The following SLC24A2 variants were observed in gnomAD, a reference collection of about 807,000 sequenced individuals.
SLC24A2 encodes the protein sodium/potassium/calcium exchanger 2.
Under a neutral mutation model 62.0 loss-of-function variants are expected in SLC24A2, and 36 were observed. The ratio of observed to expected loss-of-function variants is 0.58; its 90% CI spans 0.44 to 0.77. SLC24A2 has a LOEUF of 0.77. SLC24A2 is among the 30% of genes least tolerant of loss of function. The probability of loss-of-function intolerance (pLI) is 0.00; values close to 1 mark genes in which losing one functional copy is unlikely to be tolerated. For synonymous variants in SLC24A2, 358 were observed against 294.0 expected (o/e 1.22, Z -2.23); for missense variants, 846 against 817.9 (o/e 1.03, Z -0.42).
chr9:20,281,167 C>T, the SLC24A2 span, among the ~76,000 whole-genome samples: 16 of 152,054 alleles, frequency 1.1e-4, no homozygotes, highest in Admixed American at 3.3e-4. Context: ...TGGGCTCAAG[C>T]GATCCTCCAG....
chr9:20,254,293 G>A, the SLC24A2 span, among the ~76,000 whole-genome samples: 1 of 152,164 alleles, frequency 6.6e-6, no homozygotes, highest in African/African-American at 2.4e-5. Context: ...GACTCCACTT[G>A]TTCATCAAGC....
chr9:19,517,015 C>T (rs952857940), intron 10 of SLC24A2, among the ~76,000 whole-genome samples: 4 of 152,118 alleles, frequency 2.6e-5, no homozygotes, highest in African/African-American at 7.2e-5. Flanking sequence ...CAGTATCTTA[C>T]ATTTGTGATG....
intron 8 of SLC24A2, among the ~76,000 whole-genome samples, chr9:19,545,064 A>T (rs559630251): frequency 6.6e-6 from 1 of 152,132 alleles, no homozygotes; most frequent in African/African-American, 2.4e-5. Context: ...CAGGTACACC[A>T]ATCAGAGGTG....
chr9:20,295,034 A>ATG, the SLC24A2 span, among the ~76,000 whole-genome samples: 10 of 141,882 alleles, frequency 7.0e-5, no homozygotes, highest in African/African-American at 1.9e-4. Context: ...ATGTGTATAT[A>ATG]TGTATATATA....
the SLC24A2 span, among the ~76,000 whole-genome samples, chr9:20,240,734 C>T: frequency 6.6e-6 from 1 of 152,122 alleles, no homozygotes; most frequent in Non-Finnish European, 1.5e-5. Context: ...TAGAGAAGTA[C>T]TGCATTTAGG....
intron 9 of SLC24A2, among the ~76,000 whole-genome samples, chr9:19,524,375 A>G (rs2132647542): frequency 6.6e-6 from 1 of 151,838 alleles, no homozygotes; most frequent in South Asian, 2.1e-4. Context: ...ATTAAAGTGC[A>G]AAAACAATAA....
chr9:19,530,633 G>T (rs1396217484), intron 8 of SLC24A2, among the ~76,000 whole-genome samples: 1 of 152,076 alleles, frequency 6.6e-6, no homozygotes, highest in Non-Finnish European at 1.5e-5. Flanking sequence ...ATCAGAAAAG[G>T]AATTAAAGGA....
chr9:20,200,615 A>G, the SLC24A2 span, among the ~76,000 whole-genome samples: 1 of 152,214 alleles, frequency 6.6e-6, no homozygotes, highest in Non-Finnish European at 1.5e-5. Flanking sequence ...TTTGCAACAA[A>G]AATACAAACA....
At chr9:19,703,502 G>C (rs1820417855) in intron 2 of SLC24A2, among the ~76,000 whole-genome samples, 2 of 152,186 alleles carry the variant, frequency 1.3e-5, no homozygotes, top group Non-Finnish European at 2.9e-5. Flanking sequence ...GTTGTATCAA[G>C]AGAAAGTAGG....
chr9:20,072,574 A>C, the SLC24A2 span, among the ~76,000 whole-genome samples: 34 of 152,248 alleles, frequency 2.2e-4, 1 homozygote, highest in East Asian at 4.1e-3. Flanking sequence ...TCACATATCA[A>C]AAGAGACTTT....
chr9:19,619,712 A>G lies in SLC24A2; in HGVS notation c.970-20T>C. On this transcript the variant is annotated intron_variant, in intron 3 of 10. Transcript: ENST00000341998. ...CTTAGCCTGAGCAGAGAAACCAAAGAGATGGTTAGTCTCAGGAATGAAAGA... is the reference window on the plus strand; with the variant it reads ...CTTAGCCTGAGCAGAGAAACCAAAGGGATGGTTAGTCTCAGGAATGAAAGA... 6.4e-7 allele frequency: 1 copy of G among 1,568,310 alleles called. No homozygotes were observed. Among genetic ancestry groups the G allele is most frequent in the Non-Finnish European group, 8.8e-7 (1 of 1,138,364 alleles).
At chr9:19,804,043 A>G in the SLC24A2 span, among the ~76,000 whole-genome samples, 1 of 152,172 alleles carries the variant, frequency 6.6e-6, no homozygotes, top group Non-Finnish European at 1.5e-5. Flanking sequence ...TGTTGTGGAA[A>G]AATAGTGAAG....
At chr9:20,304,911 C>G in the SLC24A2 span, among the ~76,000 whole-genome samples, 1 of 151,648 alleles carries the variant, frequency 6.6e-6, no homozygotes, top group African/African-American at 2.4e-5. Context: ...TGCCCAGCAA[C>G]CCTACTGCCA....
At chr9:20,034,290 T>C in the SLC24A2 span, among the ~76,000 whole-genome samples, 2 of 152,162 alleles carry the variant, frequency 1.3e-5, no homozygotes, top group Admixed American at 6.5e-5. Context: ...ATTTGCTCTA[T>C]GCAAATTGTC....
At chr9:19,950,786 T>C in the SLC24A2 span, among the ~76,000 whole-genome samples, 1 of 152,208 alleles carries the variant, frequency 6.6e-6, no homozygotes, top group Non-Finnish European at 1.5e-5. Context: ...TGGCTCAGAC[T>C]ATGTTTCCTA....
the SLC24A2 span, among the ~76,000 whole-genome samples, chr9:19,959,473 A>G: frequency 9.9e-5 from 15 of 152,196 alleles, no homozygotes; most frequent in Non-Finnish European, 1.6e-4. Context: ...TTACTCTTCT[A>G]ATATAACCCA....
chr9:20,205,279 A>G, the SLC24A2 span, among the ~76,000 whole-genome samples: 2 of 152,190 alleles, frequency 1.3e-5, no homozygotes, highest in Non-Finnish European at 2.9e-5. Flanking sequence ...AAGTATCTGC[A>G]TGATTGAATT....
At chr9:19,831,498 A>T in the SLC24A2 span, among the ~76,000 whole-genome samples, 1 of 152,240 alleles carries the variant, frequency 6.6e-6, no homozygotes, top group Non-Finnish European at 1.5e-5. Flanking sequence ...AAAAATAAGC[A>T]TGCATTTTTA....
the SLC24A2 span, among the ~76,000 whole-genome samples, chr9:19,917,814 T>A: frequency 4.9e-3 from 747 of 152,282 alleles, 11 homozygotes; most frequent in African/African-American, 0.017. Flanking sequence ...GTCTCTTCAT[T>A]TCCAGTAACT....
Sources: gnomAD v4.1 joint callset for allele counts (sites outside exome capture counted in the v4.1 genomes callset) on GRCh38, gnomAD v4.1.1 for gene constraint, MANE v1.5 for transcripts, NCBI Gene and HGNC (gene_info 2026-07-23, HGNC 2026-07-21) for gene names.